The following SATB2 variants were observed in gnomAD, a reference collection of about 807,000 sequenced individuals.
The protein encoded by SATB2 is DNA-binding protein SATB2.
Under a neutral mutation model 73.4 loss-of-function variants are expected in SATB2, and 1 was observed. The ratio of observed to expected loss-of-function variants is 0.01; its 90% CI spans 0.00 to 0.06. The LOEUF is 0.06. Ranked by LOEUF, SATB2 falls within the 10% of genes least tolerant of loss-of-function variation. The pLI, the probability that SATB2 is intolerant of heterozygous loss-of-function variation, is 1.00. For missense variants in SATB2, 459 were observed against 945.8 expected, an observed-to-expected ratio of 0.49 and a Z score of 6.75; for synonymous variants, 397 against 367.0, an observed-to-expected ratio of 1.08 and a Z score of -0.93.
rs999300965 is a variant in SATB2, at chr2:199,270,799, T to C, written c.*1412A>G. The C allele has an allele frequency of 1.3e-5, 2 of 152,370 alleles. No individual in the cohort carries two copies. Among genetic ancestry groups the C allele is most frequent in the Non-Finnish European group, 2.9e-5 (2 of 68,032 alleles). 9.4% of individuals were successfully genotyped at this position (152,370 alleles called of 1,614,324 possible). On this transcript the variant is annotated 3_prime_UTR_variant, in exon 11 of 11. Transcript: ENST00000417098. Reference sequence around the variant, plus strand: ...ACTGGGATAATGTTTTCTTTTAGGATGAGTAAGTGATTCTACTGAAATCGC... The same window carrying C: ...ACTGGGATAATGTTTTCTTTTAGGACGAGTAAGTGATTCTACTGAAATCGC...
chr2:199,308,993 G>A lies in SATB2; in HGVS notation c.1543-36C>T. On this transcript the variant is annotated intron_variant, in intron 9 of 10. Transcript: ENST00000417098. This position sits in a 1 kb window ranked among gnomAD's most constrained non-coding sequence, Gnocchi z 4.6. ...AGGAGGTCGCTTGCATTAACCTGCA[G>A]AGTGTAGAGGAGCTGAGGGGGCCTT... 2 of 1,555,124 alleles carry A rather than the reference G, an allele frequency of 1.3e-6. No homozygotes were observed. Among genetic ancestry groups the A allele is most frequent in the Non-Finnish European group, 1.8e-6 (2 of 1,128,414 alleles).
intron 3 of SATB2, among the ~76,000 whole-genome samples, chr2:199,404,331 TAA>T (rs1690570933): frequency 6.6e-6 from 1 of 152,216 alleles, no homozygotes; most frequent in Non-Finnish European, 1.5e-5. Context: ...ATTATTATGT[TAA>T]CAGATAGAAG....
At chr2:199,443,607 A>C (rs952287888) in intron 2 of SATB2, among the ~76,000 whole-genome samples, 2 of 152,152 alleles carry the variant, frequency 1.3e-5, no homozygotes, top group African/African-American at 4.8e-5. Flanking sequence ...TTAGAGTTCA[A>C]ACAGCAAAAC....
intron 3 of SATB2, among the ~76,000 whole-genome samples, chr2:199,426,712 GA>G (rs1559048011): frequency 6.2e-5 from 8 of 128,034 alleles, no homozygotes; most frequent in African/African-American, 2.6e-4. Flanking sequence ...AAAAAAAAAA[GA>G]AAAGAAAAGA....
At chr2:199,393,481 A>T (rs1690208518) in intron 3 of SATB2, among the ~76,000 whole-genome samples, 1 of 152,176 alleles carries the variant, frequency 6.6e-6, no homozygotes, top group South Asian at 2.1e-4. Flanking sequence ...TGATAATGGC[A>T]CAGAGAAGAG....
intron 6 of SATB2, among the ~76,000 whole-genome samples, chr2:199,360,764 G>C (rs899572922): frequency 6.6e-6 from 1 of 152,016 alleles, no homozygotes. Flanking sequence ...GCCACGTTTA[G>C]ACTCTTTCCT....
chr2:199,367,173 T>C (rs1689310384), intron 6 of SATB2, among the ~76,000 whole-genome samples: 1 of 152,128 alleles, frequency 6.6e-6, no homozygotes, highest in Non-Finnish European at 1.5e-5. Context: ...AGGCAACACT[T>C]ACAGAAAAGA....
chr2:199,395,603 A>G (rs1690277381), intron 3 of SATB2, among the ~76,000 whole-genome samples: 1 of 152,198 alleles, frequency 6.6e-6, no homozygotes, highest in Non-Finnish European at 1.5e-5. Context: ...TAATATTGAA[A>G]CATGATGTTC....
Position 199,386,050 on chromosome 2 carries a change from T to C in SATB2, c.347-4230A>G, listed in dbSNP as rs78664260. On this transcript the variant is annotated intron_variant, in intron 3 of 10. Coordinates refer to ENST00000417098, the MANE Select transcript of SATB2 (RefSeq NM_001172509.2). The stretch of plus-strand genomic sequence containing the variant: ...GGACAATAGATCCTTGTAAGTTTCT[T>C]AGTGTACACATAACAACAATAAAGC... Among the ~76,000 whole-genome samples the C allele has an allele frequency of 4.0e-3, 604 of 152,284 alleles. 11 individuals carry two copies. Among genetic ancestry groups the C allele is most frequent in the East Asian group, 0.035 (180 of 5,180 alleles).
rs901608716 is a variant in SATB2, at chr2:199,380,527, A to G, written c.474-40T>C. On this transcript the variant is annotated intron_variant, in intron 4 of 10. Transcript: ENST00000417098. The stretch of plus-strand genomic sequence containing the variant: ...AATAATGAACAATACACAAACCTCA[A>G]CCAGGGTCCCTGACTGAAGAGGAGA... 5.6e-6 allele frequency: 9 copies of G among 1,604,306 alleles called. No individual in the cohort carries two copies. In the African/African-American group the frequency reaches 6.7e-5, roughly 12 times the overall value.
At chr2:199,311,984 AT>A (rs1207286183) in intron 9 of SATB2, among the ~76,000 whole-genome samples, 1 of 151,422 alleles carries the variant, frequency 6.6e-6, no homozygotes, top group African/African-American at 2.4e-5. Context: ...CCATATTGGG[AT>A]TTTTTTTCAT....
intron 3 of SATB2, among the ~76,000 whole-genome samples, chr2:199,403,438 A>G: frequency 6.6e-6 from 1 of 152,200 alleles, no homozygotes. Flanking sequence ...TATGAGGGGC[A>G]TAAAGCAGAT....
rs1288266146 is a variant in SATB2 at position 199,270,717 on chromosome 2, A to G, written c.*1494T>C. On this transcript the variant is annotated 3_prime_UTR_variant, in exon 11 of 11. Transcript: ENST00000417098. Reference sequence around the variant, plus strand: ...AGATTGCAGCTTTAATGCTCATCCCATTAAACATCCAGTCAGCATTAGTTC... The same window carrying G: ...AGATTGCAGCTTTAATGCTCATCCCGTTAAACATCCAGTCAGCATTAGTTC... 1 of 152,378 alleles carries G rather than the reference A, an allele frequency of 6.6e-6. No individual in the cohort carries two copies. Among genetic ancestry groups the G allele is most frequent in the Non-Finnish European group, 1.5e-5 (1 of 68,050 alleles). 9.4% of individuals were successfully genotyped at this position (152,378 alleles called of 1,614,324 possible). A position where few individuals can be genotyped will look rare whatever the true frequency, so the allele number is the denominator to read the frequency against.
At chr2:199,434,917 AATT>A (rs1043164306) in intron 2 of SATB2, among the ~76,000 whole-genome samples, 3 of 152,158 alleles carry the variant, frequency 2.0e-5, no homozygotes, top group African/African-American at 7.2e-5. Flanking sequence ...CCCATGTGCT[AATT>A]ATTATTATTA....
At chr2:199,459,291 G>C (rs1445652963), upstream of SATB2, among the ~76,000 whole-genome samples, 1 of 151,826 alleles carries the variant, frequency 6.6e-6, no homozygotes, top group African/African-American at 2.4e-5. The surrounding 1 kb of genome is among the most constrained non-coding windows in gnomAD (Gnocchi z 4.2). Flanking sequence ...CCGCGAAGGC[G>C]TAACAGAGCC....
At chr2:199,300,678 A>G (rs1366409359) in intron 10 of SATB2, among the ~76,000 whole-genome samples, 2 of 152,130 alleles carry the variant, frequency 1.3e-5, no homozygotes, top group Non-Finnish European at 2.9e-5. Flanking sequence ...CTTCTACTCA[A>G]TTTTAGGATC....
chr2:199,340,920 G>A (rs1053570718), intron 7 of SATB2, among the ~76,000 whole-genome samples: 1 of 152,158 alleles, frequency 6.6e-6, no homozygotes, highest in South Asian at 2.1e-4. Flanking sequence ...GGGGATTTCT[G>A]AACATACGAA....
At chr2:199,370,655 C>G (rs1689417447) in intron 5 of SATB2, among the ~76,000 whole-genome samples, 1 of 152,138 alleles carries the variant, frequency 6.6e-6, no homozygotes, top group Non-Finnish European at 1.5e-5. Flanking sequence ...ACGACTGCAT[C>G]ATTTTGGCCC....
chr2:199,329,411 T>C (rs753458203), intron 7 of SATB2: 1 of 134,274 alleles, frequency 7.4e-6, no homozygotes, highest in East Asian at 2.1e-4. Flanking sequence ...CTGTTTTCAA[T>C]AGAGATATTT....
Sources: gnomAD v4.1 joint callset for allele counts (sites outside exome capture counted in the v4.1 genomes callset) on GRCh38, gnomAD v4.1.1 for gene constraint, Gnocchi (gnomAD v3.1) non-coding constraint, MANE v1.5 for transcripts, NCBI Gene and HGNC (gene_info 2026-07-23, HGNC 2026-07-21) for gene names.